ZBTB18: variants seen among roughly 807,000 people sequenced by gnomAD.
ZBTB18 encodes zinc finger and BTB domain-containing protein 18.
Under a neutral mutation model 37.7 loss-of-function variants are expected in ZBTB18, and 2 were observed. The observed-to-expected ratio is 0.05, with a 90% confidence interval of 0.02 to 0.17. The LOEUF (loss-of-function observed/expected upper bound fraction) is 0.17, where lower values mean the gene tolerates loss of function less well. Ranked by LOEUF, ZBTB18 falls within the 10% of genes least tolerant of loss-of-function variation. ZBTB18 has a pLI of 1.00. For synonymous variants in ZBTB18, 304 were observed against 276.5 expected, an observed-to-expected ratio of 1.10 and a Z score of -0.99; for missense variants, 408 against 686.3, an observed-to-expected ratio of 0.59 and a Z score of 4.53.
chr1:244,055,696 CT>C lies in ZBTB18; in HGVS notation c.*332del, dbSNP rs543994510. On this transcript the variant is annotated 3_prime_UTR_variant, in exon 2 of 2. Coordinates refer to ENST00000358704, the MANE Select transcript of ZBTB18 (RefSeq NM_205768.3). The surrounding 1 kb of genome is among the most constrained non-coding windows in gnomAD (Gnocchi z 7.0). ...TCAACACTGCATTGTCTTTTGAGCT[CT>C]TTTTTCCCCCCCAACAAAGTTTTTT... The C allele has an allele frequency of 3.3e-3, 543 of 165,408 alleles. 2 individuals carry two copies. The highest frequency in any genetic ancestry group is 6.4e-3 in the Non-Finnish European group (435 of 67,722). The allele number at this position is 165,408 out of a possible 1,614,324, so 10.2% of individuals were successfully genotyped here. A position where few individuals can be genotyped will look rare whatever the true frequency, so the allele number is the denominator to read the frequency against.
In ZBTB18 at chr1:244,054,608, G is replaced by A. The variant is rs775963730; in HGVS notation, c.834G>A (p.Leu278=). 7 of 1,614,228 alleles carry A rather than the reference G, an allele frequency of 4.3e-6. No individual in the cohort carries two copies. The highest frequency in any genetic ancestry group is 5.9e-6 in the Non-Finnish European group (7 of 1,180,044). Residue 278 remains leucine, a synonymous_variant, in exon 2 of 2, where the codon CTG becomes CTA. Transcript: ENST00000358704. This position sits in a 1 kb window ranked among gnomAD's most constrained non-coding sequence, Gnocchi z 9.0. ...CACAGGACGTGCTGAGAAGCAACCT[G>A]GTGCAGGTGAAGGTGGAGAAAGAGG... is the stretch of plus-strand genomic sequence containing the variant. ...FSSQDVLRSN[L]VQVKVEKEAS...
chr1:244,054,123 G>C lies in ZBTB18; in HGVS notation c.349G>C (p.Asp117His). 3 of 1,614,062 alleles carry C rather than the reference G, an allele frequency of 1.9e-6. No individual in the cohort carries two copies. The highest frequency in any genetic ancestry group is 2.5e-6 in the Non-Finnish European group (3 of 1,180,022). ...LAAASYLHMY[D>H]IVKVCKKKLK... ...AGCTGCCAGTTATCTCCACATGTAT[G>C]ACATTGTCAAAGTCTGCAAAAAGAA... is the stretch of plus-strand genomic sequence containing the variant. Residue 117 changes from aspartate to histidine, a missense_variant, in exon 2 of 2, where the codon GAC (aspartate) becomes CAC (histidine). By Grantham distance (81) the Asp-to-His change is moderately conservative. This residue lies in a region of ZBTB18 where 95 missense variants were observed against 218.7 expected (regional missense o/e 0.43). Coordinates refer to ENST00000358704, the MANE Select transcript of ZBTB18 (RefSeq NM_205768.3). The surrounding 1 kb of genome is among the most constrained non-coding windows in gnomAD (Gnocchi z 9.0).
At chr1:244,049,953 G>A (rs1447270872), upstream of ZBTB18, among the ~76,000 whole-genome samples, 1 of 152,174 alleles carries the variant, frequency 6.6e-6, no homozygotes, top group Non-Finnish European at 1.5e-5. Context: ...TGATATATTG[G>A]AATGGGTCGA....
At chr1:244,048,628 GC>G (rs1325001619), upstream of ZBTB18, among the ~76,000 whole-genome samples, 1,014 of 79,482 alleles carry the variant, frequency 0.013, 54 homozygotes, top group African/African-American at 0.03. Flanking sequence ...CCCCGCGCCC[GC>G]CCCCCCCCCG....
upstream of ZBTB18, among the ~76,000 whole-genome samples, chr1:244,048,561 G>C (rs1698277883): frequency 6.8e-6 from 1 of 147,442 alleles, no homozygotes; most frequent in Non-Finnish European, 1.5e-5. Flanking sequence ...GGGAACATCT[G>C]GCCGGCGCCG....
rs1698383615 is a variant in ZBTB18 at position 244,053,012 on chromosome 1, G to C, written c.14-776G>C. 6.6e-6 allele frequency among the ~76,000 whole-genome samples: 1 copy of C among 152,164 alleles called. No homozygotes were observed. Among genetic ancestry groups the C allele is most frequent in the African/African-American group, 2.4e-5 (1 of 41,446 alleles). ...ATTCTGAAAGTACAGTTTCTACAAA[G>C]AAATGTAACTACTTTTTTCTCAGTT... On this transcript the variant is annotated intron_variant, in intron 1 of 1. Transcript: ENST00000358704. The surrounding 1 kb of genome is among the most constrained non-coding windows in gnomAD (Gnocchi z 5.2).
rs903111861 is a variant in ZBTB18, at chr1:244,053,696, G to A, written c.14-92G>A. 3.5e-5 allele frequency: 53 copies of A among 1,512,422 alleles called. No individual in the cohort carries two copies. The highest frequency in any genetic ancestry group is 4.2e-5 in the Non-Finnish European group (47 of 1,131,766). 93.7% of individuals were successfully genotyped at this position (1,512,422 alleles called of 1,614,324 possible). ...AAAATTCAGGGACATGTACCACGGC[G>A]GCCAAAGCGGAATTAATTTTTTTAT... is the stretch of plus-strand genomic sequence containing the variant. On this transcript the variant is annotated intron_variant, in intron 1 of 1. Coordinates refer to ENST00000358704, the MANE Select transcript of ZBTB18 (RefSeq NM_205768.3). This position sits in a 1 kb window ranked among gnomAD's most constrained non-coding sequence, Gnocchi z 5.2.
At chr1:244,048,589 G>A (rs1368999964), upstream of ZBTB18, among the ~76,000 whole-genome samples, 1 of 142,206 alleles carries the variant, frequency 7.0e-6, no homozygotes, top group African/African-American at 2.6e-5. Flanking sequence ...CGTGCGTGGT[G>A]CGTCCTCCCG....
At position 244,057,107 on chromosome 1, in the gene ZBTB18, CAAAA is replaced by C. The variant is rs985992888; in HGVS notation, c.*1741_*1744del. The C allele has an allele frequency of 1.5e-4, 25 of 166,620 alleles. No homozygotes were observed. Among genetic ancestry groups the C allele is most frequent in the South Asian group, 2.1e-4 (1 of 4,806 alleles). 10.3% of individuals were successfully genotyped at this position (166,620 alleles called of 1,614,324 possible). ...ATGGCATTTAAAGCAAACAAACAAA[CAAAA>C]AAAGCTGTGAAAATGGCCTTGGAGC... is the stretch of plus-strand genomic sequence containing the variant. On this transcript the variant is annotated 3_prime_UTR_variant, in exon 2 of 2. Coordinates refer to ENST00000358704, the MANE Select transcript of ZBTB18 (RefSeq NM_205768.3).
chr1:244,049,662 C>A (rs1287873955), upstream of ZBTB18, among the ~76,000 whole-genome samples: 1 of 152,224 alleles, frequency 6.6e-6, no homozygotes, highest in Non-Finnish European at 1.5e-5. Flanking sequence ...CGGCTCTGCG[C>A]CCTCCACCTC....
chr1:244,052,417 AT>A (rs1389864471), intron 1 of ZBTB18, among the ~76,000 whole-genome samples: 2 of 152,224 alleles, frequency 1.3e-5, no homozygotes, highest in Non-Finnish European at 2.9e-5. Flanking sequence ...TGGGGTTAGG[AT>A]AAAGTTTTAG....
upstream of ZBTB18, among the ~76,000 whole-genome samples, chr1:244,048,599 GCCCCCTCCCCT>G (rs1260197002): frequency 8.3e-6 from 1 of 120,504 alleles, no homozygotes; most frequent in Non-Finnish European, 1.8e-5. Context: ...GCGTCCTCCC[GCCCCCTCCCCT>G]CCCCCTCCCC....
At chr1:244,048,655 C>T (rs1572526295), upstream of ZBTB18, among the ~76,000 whole-genome samples, 1 of 148,158 alleles carries the variant, frequency 6.7e-6, no homozygotes, top group Non-Finnish European at 1.5e-5. Context: ...GCCCCCCCAC[C>T]CGGCCCGGCG....
Position 244,054,552 on chromosome 1 carries a change from G to T in ZBTB18, c.778G>T (p.Val260Phe). The T allele has an allele frequency of 2.5e-6, 4 of 1,614,242 alleles. No individual in the cohort carries two copies. The highest frequency in any genetic ancestry group is 3.4e-6 in the Non-Finnish European group (4 of 1,180,050). Residue 260 changes from valine to phenylalanine, a missense_variant, in exon 2 of 2, where the codon GTT (valine) becomes TTT (phenylalanine). Transcript: ENST00000358704. The surrounding 1 kb of genome is among the most constrained non-coding windows in gnomAD (Gnocchi z 9.0). ...GTCTGTCAAGTCCAGCCTTTCAGGA[G>T]TTGAAAATCTGAACAGCTCTTATTT... ...DLSVKSSLSG[V>F]ENLNSSYFSS... is the part of the protein sequence containing the mutation.
At chr1:244,049,442 T>C (rs1459246851), upstream of ZBTB18, among the ~76,000 whole-genome samples, 3 of 95,182 alleles carry the variant, frequency 3.2e-5, no homozygotes, top group African/African-American at 4.1e-5. Flanking sequence ...GCAGCTGCAG[T>C]GGCGCCCGGG....
Position 244,054,002 on chromosome 1 carries a change from C to G in ZBTB18, c.228C>G (p.Ser76Arg). 6.2e-7 allele frequency: 1 copy of G among 1,614,038 alleles called. No individual in the cohort carries two copies. Among genetic ancestry groups the G allele is most frequent in the Non-Finnish European group, 8.5e-7 (1 of 1,180,034 alleles). Reference sequence around the variant, plus strand: ...AAAGAGACATTGTTCATCTGAACAGCGACATTGTTACAGCCCCCGCTTTCG... The same window carrying G: ...AAAGAGACATTGTTCATCTGAACAGGGACATTGTTACAGCCCCCGCTTTCG... Reference protein sequence around the residue: ...LDKRDIVHLNSDIVTAPAFAL... With the variant: ...LDKRDIVHLNRDIVTAPAFAL... Residue 76 changes from serine to arginine, a missense_variant, in exon 2 of 2, where the codon AGC becomes AGG. Ser to Arg is a moderately radical substitution (Grantham distance 110, BLOSUM62 -1). Around this residue, in one of 4 missense-constraint regions of ZBTB18, gnomAD observed 95 missense variants for 218.7 expected, o/e 0.43. Transcript: ENST00000358704. The surrounding 1 kb of genome is among the most constrained non-coding windows in gnomAD (Gnocchi z 9.0).
chr1:244,054,016 C>G lies in ZBTB18; in HGVS notation c.242C>G (p.Ala81Gly). ...IVHLNSDIVT[A>G]PAFALLLEFM... ...CATCTGAACAGCGACATTGTTACAG[C>G]CCCCGCTTTCGCTCTCCTGCTTGAA... is the stretch of plus-strand genomic sequence containing the variant. Residue 81 changes from alanine to glycine, a missense_variant, in exon 2 of 2, where the codon GCC becomes GGC. Physicochemically the swap from Ala to Gly is moderately conservative, Grantham distance 60. This residue lies in a region of ZBTB18 where 95 missense variants were observed against 218.7 expected (regional missense o/e 0.43). Coordinates refer to ENST00000358704, the MANE Select transcript of ZBTB18 (RefSeq NM_205768.3). The surrounding 1 kb of genome is among the most constrained non-coding windows in gnomAD (Gnocchi z 9.0). 3 of 1,614,060 alleles carry G rather than the reference C, an allele frequency of 1.9e-6. No individual in the cohort carries two copies. Among genetic ancestry groups the G allele is most frequent in the South Asian group, 2.2e-5 (2 of 91,076 alleles).
chr1:244,050,335 A>G (rs1388791078), upstream of ZBTB18, among the ~76,000 whole-genome samples: 1 of 152,050 alleles, frequency 6.6e-6, no homozygotes, highest in Non-Finnish European at 1.5e-5. Flanking sequence ...TTCATCAGCT[A>G]TTAGAAAAGA....
In ZBTB18 at chr1:244,053,996, G is replaced by T. The variant is rs1489676414; in HGVS notation, c.222G>T (p.Leu74=). ...TGGACAAAAGAGACATTGTTCATCTGAACAGCGACATTGTTACAGCCCCCG... is the reference window on the plus strand; with the variant it reads ...TGGACAAAAGAGACATTGTTCATCTTAACAGCGACATTGTTACAGCCCCCG... ...DQLDKRDIVH[L]NSDIVTAPAF... is the part of the protein sequence containing the mutation. The change falls in exon 2 of 2, where the codon CTG becomes CTT. Residue 74 remains leucine, a synonymous_variant. Transcript: ENST00000358704. This position sits in a 1 kb window ranked among gnomAD's most constrained non-coding sequence, Gnocchi z 5.2. 6.2e-7 allele frequency: 1 copy of T among 1,614,126 alleles called. No homozygotes were observed. The highest frequency in any genetic ancestry group is 1.1e-5 in the South Asian group (1 of 91,086).
Sources: allele counts gnomAD v4.1 joint callset (sites outside exome capture counted in the v4.1 genomes callset), GRCh38; gene constraint gnomAD v4.1.1; regional missense constraint gnomAD v4.1.1; non-coding constraint Gnocchi (gnomAD v3.1); transcripts MANE v1.5; gene names NCBI Gene and HGNC (gene_info 2026-07-23, HGNC 2026-07-21).